The following CLIP4 variants were observed in gnomAD, a reference collection of about 807,000 sequenced individuals.
CLIP4 encodes CAP-Gly domain containing linker protein family member 4.
Under a neutral mutation model 73.1 loss-of-function variants are expected in CLIP4, and 47 were observed. The observed-to-expected ratio is 0.64, with a 90% CI of 0.51 to 0.82. The LOEUF (loss-of-function observed/expected upper bound fraction) is 0.82, where lower values mean the gene tolerates loss of function less well. Ranked by LOEUF, CLIP4 falls within the 40% of genes least tolerant of loss-of-function variation. The probability of loss-of-function intolerance (pLI) is 0.00; values close to 1 mark genes in which losing one functional copy is unlikely to be tolerated. For missense variants in CLIP4, 874 were observed against 852.9 expected, an observed-to-expected ratio of 1.02 and a Z score of -0.31; for synonymous variants, 306 against 295.4, an observed-to-expected ratio of 1.04 and a Z score of -0.37.
intron 11 of CLIP4, 21 bp from the exon 12 acceptor site, chr2:29,160,312 A>G (rs1318823687): frequency 6.2e-7 from 1 of 1,613,764 alleles, no homozygotes; most frequent in South Asian, 1.1e-5. Context: ...CTGCCCCTGT[A>G]TCCCTCCCTG....
chr2:29,150,341 G>A, intron 8 of CLIP4, among the ~76,000 whole-genome samples: 1 of 152,182 alleles, frequency 6.6e-6, no homozygotes. Flanking sequence ...CATCGTAAGA[G>A]GGTTTACTAA....
chr2:29,162,950 T>A (rs571431328), intron 12 of CLIP4, among the ~76,000 whole-genome samples: 13 of 152,312 alleles, frequency 8.5e-5, no homozygotes, highest in Non-Finnish European at 1.9e-4. Context: ...ATCTCCTGTT[T>A]TTTTACTTGA....
At chr2:29,129,422 A>C (rs905954346) in intron 2 of CLIP4, among the ~76,000 whole-genome samples, 2 of 151,980 alleles carry the variant, frequency 1.3e-5, no homozygotes, top group East Asian at 3.9e-4. Context: ...TGTCTATTGA[A>C]CATACATAGC....
chr2:29,130,629 AT>A (rs1179988520), intron 2 of CLIP4: 5 of 1,106,492 alleles, frequency 4.5e-6, no homozygotes, highest in Middle Eastern at 4.2e-4. Flanking sequence ...TAACAGGACC[AT>A]TTTGTTGTCT....
At chr2:29,174,581 G>A (rs1416493377) in intron 15 of CLIP4, 136 bp downstream of exon 15, 1 of 1,405,972 alleles carries the variant, frequency 7.1e-7, no homozygotes, top group Non-Finnish European at 9.2e-7. Flanking sequence ...GGTGTGATAA[G>A]TGTATTGAGA....
intron 2 of CLIP4, among the ~76,000 whole-genome samples, chr2:29,122,737 G>T (rs1170563133): frequency 7.2e-6 from 1 of 139,770 alleles, no homozygotes; most frequent in African/African-American, 2.7e-5. Flanking sequence ...TGAGGCAGGA[G>T]AATCACTTGA....
intron 2 of CLIP4, among the ~76,000 whole-genome samples, chr2:29,124,501 A>T (rs1378599518): frequency 1.3e-5 from 2 of 152,068 alleles, no homozygotes; most frequent in African/African-American, 4.8e-5. Context: ...TTCAGTTTTC[A>T]TTAAGTTTGG....
intron 14 of CLIP4, among the ~76,000 whole-genome samples, chr2:29,169,609 T>C (rs929439839): frequency 6.6e-6 from 1 of 152,126 alleles, no homozygotes; most frequent in African/African-American, 2.4e-5. Context: ...TTGCCATCTC[T>C]TTTTTGTATT....
chr2:29,144,769 A>G (rs1194789108), intron 7 of CLIP4, among the ~76,000 whole-genome samples: 1 of 136,060 alleles, frequency 7.3e-6, no homozygotes, highest in African/African-American at 2.8e-5. Flanking sequence ...TCCTGCTTGG[A>G]TATTGAGTTT....
upstream of CLIP4, among the ~76,000 whole-genome samples, chr2:29,112,771 A>G (rs572405516): frequency 8.1e-4 from 123 of 152,372 alleles, 1 homozygote; most frequent in African/African-American, 2.8e-3. Flanking sequence ...TGGTGCCCCA[A>G]TTCTGACAGT....
intron 2 of CLIP4, among the ~76,000 whole-genome samples, chr2:29,126,045 T>C (rs1269914632): frequency 2.6e-5 from 4 of 151,960 alleles, no homozygotes; most frequent in Admixed American, 2.6e-4. Flanking sequence ...TGTGGTGGCG[T>C]GCGCCTGTGG....
intron 6 of CLIP4, among the ~76,000 whole-genome samples, chr2:29,137,088 A>G (rs1665419817): frequency 1.3e-5 from 2 of 151,946 alleles, no homozygotes; most frequent in African/African-American, 4.8e-5. Flanking sequence ...GAAATAGGTT[A>G]TATTGCCTGG....
intron 12 of CLIP4, among the ~76,000 whole-genome samples, chr2:29,161,858 A>C (rs1031019074): frequency 1.3e-5 from 2 of 152,202 alleles, no homozygotes; most frequent in African/African-American, 4.8e-5. Context: ...GAACGAAAGT[A>C]GTCACTGCCT....
chr2:29,163,769 T>A, intron 12 of CLIP4, 62 bp from the exon 13 acceptor site: 2 of 1,517,930 alleles, frequency 1.3e-6, no homozygotes, highest in South Asian at 2.7e-5. Context: ...TGGTTTTGTA[T>A]AGTAGCATAA....
rs957887971 is a variant in CLIP4, at chr2:29,133,727, G to A, written c.440G>A (p.Arg147His). The A allele has an allele frequency of 6.8e-6, 11 of 1,613,594 alleles. No homozygotes were observed. The highest frequency in any genetic ancestry group is 5.0e-5 in the Admixed American group (3 of 59,886). ...GGAGCAGACATTAGTTTGCGGAGTC[G>A]CTGGACAAACATGAATGCTTTGCAT... ...DLGADISLRS[R>H]WTNMNALHYA... The change falls in exon 5 of 16, where the codon CGC (arginine) becomes CAC (histidine). Residue 147 changes from arginine (R) to histidine (H), a missense_variant. Physicochemically the swap from Arg to His is conservative, Grantham distance 29. Transcript: ENST00000320081.
At chr2:29,170,466 A>G (rs772448263) in intron 14 of CLIP4, among the ~76,000 whole-genome samples, 5 of 151,860 alleles carry the variant, frequency 3.3e-5, no homozygotes, top group African/African-American at 7.3e-5. Flanking sequence ...TCTGTTTGCT[A>G]TTTTCTTGTT....
intron 1 of CLIP4, among the ~76,000 whole-genome samples, chr2:29,117,633 A>G (rs1407372046): frequency 1.3e-5 from 2 of 152,330 alleles, no homozygotes; most frequent in South Asian, 2.1e-4. Flanking sequence ...CACCTGGCCA[A>G]TTTTTAAATT....
intron 7 of CLIP4, 100 bp from the exon 8 acceptor site, chr2:29,145,132 G>GA: frequency 1.0e-6 from 1 of 998,358 alleles, no homozygotes; most frequent in South Asian, 1.9e-5. Flanking sequence ...TTGAGAGAGT[G>GA]AATTTTTAAA....
chr2:29,133,219 A>G (rs1320817846), intron 4 of CLIP4, among the ~76,000 whole-genome samples: 1 of 152,190 alleles, frequency 6.6e-6, no homozygotes, highest in Admixed American at 6.5e-5. Context: ...GCATAAGACT[A>G]CATTTCAGTT....
Sources: allele counts gnomAD v4.1 joint callset (sites outside exome capture counted in the v4.1 genomes callset), GRCh38; gene constraint gnomAD v4.1.1; transcripts MANE v1.5; gene names NCBI Gene and HGNC (gene_info 2026-07-23, HGNC 2026-07-21).